CLEC16A: variants seen among roughly 807,000 people sequenced by gnomAD.
CLEC16A encodes C-type lectin domain containing 16A.
A neutral mutation model predicts 109.5 loss-of-function variants in CLEC16A; 51 were observed. The ratio of observed to expected loss-of-function variants is 0.47; its 90% CI spans 0.37 to 0.59. The LOEUF is 0.59. CLEC16A is among the 20% of genes least tolerant of loss of function. The pLI, the probability that CLEC16A is intolerant of heterozygous loss-of-function variation, is 0.00. For missense variants in CLEC16A, 1,339 were observed against 1,394.0 expected (o/e 0.96, Z 0.63); for synonymous variants, 673 against 564.2 (o/e 1.19, Z -2.73).
chr16:11,033,001 T>C lies in CLEC16A; in HGVS notation c.1538-6753T>C, dbSNP rs114550726. On this transcript the variant is annotated intron_variant, in intron 13 of 23. Coordinates refer to ENST00000409790, the MANE Select transcript of CLEC16A (RefSeq NM_015226.3). ...GTAGATGACTGGGGGTGGGGATGAGTTGCAGGAGGGAACACCGAGAGACTT... is the reference window on the plus strand; with the variant it reads ...GTAGATGACTGGGGGTGGGGATGAGCTGCAGGAGGGAACACCGAGAGACTT... 5.6e-3 allele frequency among the ~76,000 whole-genome samples: 847 copies of C among 151,246 alleles called. 2 individuals carry two copies. Among genetic ancestry groups the C allele is most frequent in the African/African-American group, 0.02 (817 of 41,196 alleles).
intron 4 of CLEC16A, 37 bp downstream of exon 4, chr16:10,969,346 G>A: frequency 7.2e-7 from 1 of 1,380,974 alleles, no homozygotes; most frequent in Non-Finnish European, 9.7e-7. Context: ...TGGGTGTAAA[G>A]CCACACGTGG....
chr16:11,022,695 C>T (rs182770603), intron 12 of CLEC16A, among the ~76,000 whole-genome samples: 3,905 of 151,846 alleles, frequency 0.026, 170 homozygotes, highest in African/African-American at 0.09. Context: ...GTCAGGAGAT[C>T]GAGACCATCC....
chr16:11,109,794 C>A (rs1055601387), intron 19 of CLEC16A, among the ~76,000 whole-genome samples: 114 of 152,316 alleles, frequency 7.5e-4, no homozygotes, highest in Non-Finnish European at 1.2e-4. Context: ...TTCCTCAGCC[C>A]CTCCTGACCT....
intron 19 of CLEC16A, among the ~76,000 whole-genome samples, chr16:11,111,484 T>C (rs889525985): frequency 1.3e-5 from 2 of 152,174 alleles, no homozygotes; most frequent in East Asian, 3.9e-4. Context: ...GTCTAGACAA[T>C]CACTGAGGCC....
intron 19 of CLEC16A, among the ~76,000 whole-genome samples, chr16:11,116,668 G>T (rs191669721): frequency 3.3e-5 from 5 of 152,154 alleles, no homozygotes; most frequent in Non-Finnish European, 7.4e-5. Flanking sequence ...TTTAGATCAG[G>T]ATGAAAACTG....
At chr16:11,081,763 TAG>T (rs1162681305) in intron 19 of CLEC16A, among the ~76,000 whole-genome samples, 1 of 152,214 alleles carries the variant, frequency 6.6e-6, no homozygotes, top group Non-Finnish European at 1.5e-5. Context: ...AGGAAAGGAT[TAG>T]AGAGTTCCAG....
intron 15 of CLEC16A, among the ~76,000 whole-genome samples, chr16:11,042,728 A>G (rs906715981): frequency 1.3e-5 from 2 of 152,098 alleles, no homozygotes; most frequent in African/African-American, 2.4e-5. Context: ...TGTTTAAAAT[A>G]TATGTTAAAT....
At chr16:11,044,511 A>G (rs897098587) in intron 16 of CLEC16A, among the ~76,000 whole-genome samples, 6 of 152,256 alleles carry the variant, frequency 3.9e-5, no homozygotes, top group African/African-American at 1.4e-4. Context: ...GATATGTGCT[A>G]AGAAACCTTA....
At chr16:11,121,879 C>CAA (rs536067685) in intron 20 of CLEC16A, among the ~76,000 whole-genome samples, 668 of 29,760 alleles carry the variant, frequency 0.022, 100 homozygotes, top group Non-Finnish European at 0.029. Context: ...GACCCTGTCT[C>CAA]AAAAAAAAAA....
chr16:11,166,653 A>T, intron 23 of CLEC16A, 101 bp downstream of exon 23: 1 of 1,233,292 alleles, frequency 8.1e-7, no homozygotes, highest in Non-Finnish European at 1.1e-6. Flanking sequence ...TTGTCACAGC[A>T]CTTGAAGGAT....
intron 22 of CLEC16A, among the ~76,000 whole-genome samples, chr16:11,140,869 G>A (rs1055957361): frequency 8.5e-5 from 13 of 152,256 alleles, no homozygotes; most frequent in Admixed American, 6.5e-4. Context: ...TGTGATGTCA[G>A]GAAGTTCTGT....
chr16:11,007,686 C>T (rs1478561168), intron 11 of CLEC16A, among the ~76,000 whole-genome samples: 1 of 152,322 alleles, frequency 6.6e-6, no homozygotes, highest in East Asian at 1.9e-4. Context: ...AGTGTGGTTG[C>T]ATGACCTCCA....
intron 10 of CLEC16A, 30 bp downstream of exon 10, chr16:10,983,021 AC>A (rs1166089619): frequency 1.6e-6 from 2 of 1,220,858 alleles, no homozygotes; most frequent in Non-Finnish European, 2.4e-6. Context: ...ACTGACCTTA[AC>A]AGGAAACCAT....
At chr16:11,170,795 G>C (rs143810885) in intron 23 of CLEC16A, among the ~76,000 whole-genome samples, 1 of 152,232 alleles carries the variant, frequency 6.6e-6, no homozygotes, top group South Asian at 2.1e-4. Context: ...GCAGGCAGGC[G>C]GGGTGGCTGA....
intron 19 of CLEC16A, among the ~76,000 whole-genome samples, chr16:11,075,492 G>A (rs535877916): frequency 7.0e-4 from 107 of 151,936 alleles, no homozygotes; most frequent in Non-Finnish European, 1.3e-3. Context: ...GCTGGAGTGC[G>A]TGGCATAATC....
rs1476318425 is a variant in CLEC16A at position 11,123,745 on chromosome 16, A to T, written c.2272A>T (p.Met758Leu). The T allele has an allele frequency of 6.2e-7, 1 of 1,614,082 alleles. No homozygotes were observed. The highest frequency in any genetic ancestry group is 8.5e-7 in the Non-Finnish European group (1 of 1,179,890). Residue 758 changes from methionine to leucine, a missense_variant, in exon 21 of 24, where the codon ATG (methionine) becomes TTG (leucine). Physicochemically the swap from Met to Leu is conservative, Grantham distance 15 (BLOSUM62 2). This residue lies in a region of CLEC16A where 1,061 missense variants were observed against 1,006.8 expected (regional missense o/e 1.05). Coordinates refer to ENST00000409790, the MANE Select transcript of CLEC16A (RefSeq NM_015226.3). Reference protein sequence around the residue: ...VVKFAGLLQDMQVTGVEDDSR... With the variant: ...VVKFAGLLQDLQVTGVEDDSR... The stretch of plus-strand genomic sequence containing the variant: ...TCCTTTGCTTCTCACTGTGCAGGAC[A>T]TGCAGGTGACTGGCGTGGAGGACGA...
At chr16:11,109,112 A>C (rs1418508002) in intron 19 of CLEC16A, among the ~76,000 whole-genome samples, 1 of 99,214 alleles carries the variant, frequency 1.0e-5, no homozygotes, top group Non-Finnish European at 2.4e-5. Context: ...CTGTCTCAAA[A>C]AAAAAAAAAA....
intron 22 of CLEC16A, among the ~76,000 whole-genome samples, chr16:11,159,687 G>T (rs2054651348): frequency 6.6e-6 from 1 of 152,232 alleles, no homozygotes; most frequent in Non-Finnish European, 1.5e-5. Context: ...CAGAAACCTT[G>T]TGGGTGAATT....
At chr16:10,957,086 C>T (rs952115694) in intron 1 of CLEC16A, among the ~76,000 whole-genome samples, 3 of 152,178 alleles carry the variant, frequency 2.0e-5, no homozygotes, top group Admixed American at 6.5e-5. Flanking sequence ...CATGAGCCAC[C>T]GCTCCCAGCC....
Sources: gnomAD v4.1 joint callset for allele counts (sites outside exome capture counted in the v4.1 genomes callset) on GRCh38, gnomAD v4.1.1 for gene constraint, gnomAD v4.1.1 regional missense constraint, MANE v1.5 for transcripts, NCBI Gene and HGNC (gene_info 2026-07-23, HGNC 2026-07-21) for gene names.